The following SP140L variants were observed in gnomAD, a reference collection of about 807,000 sequenced individuals.
SP140L encodes the protein nuclear body protein SP140-like protein.
Under a neutral mutation model 84.3 loss-of-function variants are expected in SP140L, and 64 were observed. The ratio of observed to expected loss-of-function variants is 0.76; its 90% CI spans 0.62 to 0.94. The LOEUF (loss-of-function observed/expected upper bound fraction) is 0.94. Ranked by LOEUF, SP140L falls within the 40% of genes least tolerant of loss-of-function variation. The probability of loss-of-function intolerance (pLI) is 0.00; values close to 1 mark genes in which losing one functional copy is unlikely to be tolerated. For missense variants in SP140L, 628 were observed against 692.5 expected (o/e 0.91, Z 1.05); for synonymous variants, 242 against 236.9 (o/e 1.02, Z -0.20).
chr2:230,344,313 G>T (rs1009894447), intron 2 of SP140L, among the ~76,000 whole-genome samples: 4 of 152,148 alleles, frequency 2.6e-5, no homozygotes, highest in African/African-American at 7.2e-5. Context: ...TTTAAAGTCT[G>T]TTCTGTCAGA....
At chr2:230,392,022 G>T in intron 11 of SP140L, 65 bp from the exon 12 acceptor site, 1 of 1,600,724 alleles carries the variant, frequency 6.2e-7, no homozygotes, top group South Asian at 1.1e-5. Context: ...CCAATGTGGT[G>T]AGTGGCCACA....
intron 2 of SP140L, among the ~76,000 whole-genome samples, chr2:230,344,809 T>C (rs1221370918): frequency 1.3e-5 from 2 of 152,242 alleles, no homozygotes; most frequent in African/African-American, 4.8e-5. Context: ...ACATTATTTA[T>C]GTATACCTTA....
chr2:230,400,539 G>C (rs1210930260), intron 15 of SP140L: 1 of 476,660 alleles, frequency 2.1e-6, no homozygotes, highest in African/African-American at 1.9e-5. Context: ...CTGTCCCAGG[G>C]GGTTGAGGAA....
At chr2:230,331,856 G>GT (rs1559399519) in intron 2 of SP140L, among the ~76,000 whole-genome samples, 1 of 152,044 alleles carries the variant, frequency 6.6e-6, no homozygotes, top group Non-Finnish European at 1.5e-5. Flanking sequence ...TTATTGTCTT[G>GT]TTTTTTTCTG....
At chr2:230,328,658 A>C (rs1020588253) in intron 1 of SP140L, 99 bp from the exon 2 acceptor site, 118 of 1,437,430 alleles carry the variant, frequency 8.2e-5, no homozygotes, top group Middle Eastern at 5.5e-4. Flanking sequence ...GCACATATGC[A>C]AGTATTTCTC....
At chr2:230,396,653 C>T in intron 13 of SP140L, 104 bp from the exon 14 acceptor site, 1 of 1,359,058 alleles carries the variant, frequency 7.4e-7, no homozygotes, top group Non-Finnish European at 1.0e-6. Flanking sequence ...TTTTTTACAA[C>T]TGGTTCCTGA....
At position 230,403,209 on chromosome 2, in the gene SP140L, C is replaced by T. The variant is rs566715212; in HGVS notation, c.*313C>T. On this transcript the variant is annotated 3_prime_UTR_variant, in exon 19 of 19. Transcript: ENST00000415673. The stretch of plus-strand genomic sequence containing the variant: ...TATTACTCACAAGACCTTTTTCCTC[C>T]GTTTTTTTTTTGAGATGGAGTCTCA... 4.3e-4 allele frequency: 97 copies of T among 224,362 alleles called. No individual in the cohort carries two copies. Among genetic ancestry groups the T allele is most frequent in the Non-Finnish European group, 7.4e-4 (86 of 116,782 alleles). 13.9% of individuals were successfully genotyped at this position (224,362 alleles called of 1,614,324 possible). A position where few individuals can be genotyped will look rare whatever the true frequency, so the allele number is the denominator to read the frequency against.
chr2:230,388,732 T>A, intron 10 of SP140L, 99 bp downstream of exon 10: 1 of 1,041,900 alleles, frequency 9.6e-7, no homozygotes, highest in Admixed American at 3.1e-5. Flanking sequence ...TTTAATTGTT[T>A]TATGAAGCTA....
intron 13 of SP140L, 145 bp downstream of exon 13, chr2:230,393,606 C>T (rs533212718): frequency 3.6e-5 from 36 of 1,000,408 alleles, no homozygotes; most frequent in Middle Eastern, 5.3e-4. Flanking sequence ...TTTTAATATA[C>T]ACTTTCAGAG....
At chr2:230,349,162 G>T (rs1372237586) in intron 2 of SP140L, among the ~76,000 whole-genome samples, 1 of 152,056 alleles carries the variant, frequency 6.6e-6, no homozygotes, top group African/African-American at 2.4e-5. Flanking sequence ...AATTGCCTTG[G>T]CACTTTTGTT....
intron 2 of SP140L, among the ~76,000 whole-genome samples, chr2:230,335,033 A>T (rs2059829823): frequency 6.6e-6 from 1 of 151,966 alleles, no homozygotes; most frequent in African/African-American, 2.4e-5. Flanking sequence ...AAGACATATC[A>T]TTTTTTAAAC....
intron 12 of SP140L, among the ~76,000 whole-genome samples, 170 bp downstream of exon 12, chr2:230,392,399 T>G (rs1459422086): frequency 1.3e-5 from 2 of 152,096 alleles, no homozygotes. Flanking sequence ...CACACTACAG[T>G]GCAACACACT....
rs1223174400 is a variant in SP140L, at chr2:230,357,905, A to G, written c.208A>G (p.Lys70Glu). Residue 70 changes from lysine (K) to glutamate (E), a missense_variant, in exon 3 of 19, where the codon AAG becomes GAG. Coordinates refer to ENST00000415673, the MANE Select transcript of SP140L (RefSeq NM_138402.6). ...HKLEISNAIK[K>E]TFPFLEGLRD... ...GCTGGAGATATCAAATGCAATAAAA[A>G]AGACATTTCCATTCCTTGAGGGCCT... is the stretch of plus-strand genomic sequence containing the variant. 12 of 1,614,098 alleles carry G rather than the reference A, an allele frequency of 7.4e-6. No homozygotes were observed. The highest frequency in any genetic ancestry group is 1.0e-5 in the Non-Finnish European group (12 of 1,179,936).
At chr2:230,347,200 G>C (rs1405100767) in intron 2 of SP140L, among the ~76,000 whole-genome samples, 1 of 152,152 alleles carries the variant, frequency 6.6e-6, no homozygotes, top group African/African-American at 2.4e-5. Flanking sequence ...GAGTGTTTTG[G>C]TTGGACTCTT....
At chr2:230,390,398 T>G (rs994601736) in intron 11 of SP140L, among the ~76,000 whole-genome samples, 1 of 152,148 alleles carries the variant, frequency 6.6e-6, no homozygotes, top group South Asian at 2.1e-4. Flanking sequence ...TTGGCTTGGG[T>G]GATGATCACA....
chr2:230,365,456 C>T (rs6712333), intron 5 of SP140L, among the ~76,000 whole-genome samples: 40,607 of 151,720 alleles, frequency 0.27, 7,643 homozygotes, highest in East Asian at 0.57. Flanking sequence ...TCTTATGGTC[C>T]TTTGTATGTC....
intron 5 of SP140L, 25 bp from the exon 6 acceptor site, chr2:230,370,883 T>TGTTC: frequency 1.9e-6 from 3 of 1,610,316 alleles, no homozygotes; most frequent in Non-Finnish European, 2.5e-6. Flanking sequence ...AAATGAGAAG[T>TGTTC]GTTCCTATGT....
At chr2:230,362,054 A>C (rs1477983278) in intron 5 of SP140L, among the ~76,000 whole-genome samples, 2 of 152,214 alleles carry the variant, frequency 1.3e-5, no homozygotes, top group East Asian at 3.8e-4. Context: ...CCCATGGTCA[A>C]CATCAAAGAG....
At chr2:230,348,658 C>CT (rs2060279481) in intron 2 of SP140L, among the ~76,000 whole-genome samples, 1 of 152,218 alleles carries the variant, frequency 6.6e-6, no homozygotes. Flanking sequence ...TTCTCCCAGA[C>CT]TGTGCCTAGT....
Sources: gnomAD v4.1 joint callset for allele counts (sites outside exome capture counted in the v4.1 genomes callset) on GRCh38, gnomAD v4.1.1 for gene constraint, MANE v1.5 for transcripts, NCBI Gene and HGNC (gene_info 2026-07-23, HGNC 2026-07-21) for gene names.